PTPRM: variants seen among roughly 807,000 people sequenced by gnomAD.
PTPRM encodes the protein receptor-type tyrosine-protein phosphatase mu.
A neutral mutation model predicts 186.7 loss-of-function variants in PTPRM; 47 were observed. The observed-to-expected ratio is 0.25, with a 90% CI of 0.20 to 0.32. The LOEUF is 0.32. Ranked by LOEUF, PTPRM falls within the 10% of genes least tolerant of loss-of-function variation. PTPRM has a pLI of 1.00. For synonymous variants in PTPRM, 668 were observed against 674.9 expected (o/e 0.99, Z 0.16); for missense variants, 1,494 against 1,865.0 (o/e 0.80, Z 3.66).
intron 20 of PTPRM, among the ~76,000 whole-genome samples, chr18:8,309,478 G>A (rs904258693): frequency 2.6e-5 from 4 of 152,004 alleles, no homozygotes; most frequent in Admixed American, 1.3e-4. Flanking sequence ...GTGCACACAG[G>A]AGGTGAAGAT....
At chr18:8,165,163 ATC>A (rs2093301739) in intron 14 of PTPRM, among the ~76,000 whole-genome samples, 1 of 131,698 alleles carries the variant, frequency 7.6e-6, no homozygotes, top group Admixed American at 7.1e-5. Context: ...GCAAGACTCC[ATC>A]TCAAAAAAAA....
At chr18:8,337,002 GAAAGA>G (rs984599354) in intron 22 of PTPRM, among the ~76,000 whole-genome samples, 5 of 151,678 alleles carry the variant, frequency 3.3e-5, no homozygotes, top group Non-Finnish European at 5.9e-5. Flanking sequence ...ATTTTAAAAA[GAAAGA>G]AAAGAAAAGA....
rs187367374 is a variant in PTPRM at position 8,344,527 on chromosome 18, T to A, written c.3054+1007T>A. On this transcript the variant is annotated intron_variant, in intron 23 of 32. Coordinates refer to ENST00000580170, the MANE Select transcript of PTPRM (RefSeq NM_001105244.2). Reference sequence around the variant, plus strand: ...AAATCCCCCTACAGACATCTGGAAATTCTAGATAAAAATATAAATATGTAT... The same window carrying A: ...AAATCCCCCTACAGACATCTGGAAAATCTAGATAAAAATATAAATATGTAT... 4.9e-3 allele frequency among the ~76,000 whole-genome samples: 740 copies of A among 149,712 alleles called. 4 individuals carry two copies. Among genetic ancestry groups the A allele is most frequent in the African/African-American group, 0.018 (711 of 40,436 alleles).
chr18:8,041,598 G>T (rs2086695292), intron 7 of PTPRM, among the ~76,000 whole-genome samples: 1 of 152,218 alleles, frequency 6.6e-6, no homozygotes, highest in Non-Finnish European at 1.5e-5. Flanking sequence ...CTTATGAAAA[G>T]CTGGCCATAC....
In PTPRM at chr18:8,145,219, G is replaced by C. The variant is rs2092854264; in HGVS notation, c.2300+1440G>C. On this transcript the variant is annotated intron_variant, in intron 14 of 32. Coordinates refer to ENST00000580170, the MANE Select transcript of PTPRM (RefSeq NM_001105244.2). ...AAAGACTTAGAATAGTTCCTGGTTT[G>C]GGCAAGTTAGTGGAGATATTTCTGT... Among the ~76,000 whole-genome samples, 4 of 152,166 alleles carry C rather than the reference G, an allele frequency of 2.6e-5. No homozygotes were observed. In the South Asian group the frequency reaches 8.3e-4, roughly 32 times the overall value.
At position 7,789,280 on chromosome 18, in the gene PTPRM, G is replaced by A. The variant is rs560011227; in HGVS notation, c.196+15009G>A. 2.0e-5 allele frequency among the ~76,000 whole-genome samples: 3 copies of A among 152,214 alleles called. No individual in the cohort carries two copies. The South Asian group carries it at 6.2e-4, about 32-fold the overall frequency. ...GTTGAGGCTGCAGCAAGCCGTGATT[G>A]TGCCACTGCACTCCAGCCTGGGTGA... On this transcript the variant is annotated intron_variant, in intron 2 of 32. Coordinates refer to ENST00000580170, the MANE Select transcript of PTPRM (RefSeq NM_001105244.2).
At chr18:8,316,640 C>G (rs1437051699) in intron 21 of PTPRM, among the ~76,000 whole-genome samples, 1 of 152,134 alleles carries the variant, frequency 6.6e-6, no homozygotes, top group Non-Finnish European at 1.5e-5. Flanking sequence ...CCAAAAAAAC[C>G]TCTGACCCAG....
intron 19 of PTPRM, among the ~76,000 whole-genome samples, chr18:8,293,182 T>C (rs1243809687): frequency 1.3e-5 from 2 of 152,240 alleles, no homozygotes; most frequent in Non-Finnish European, 2.9e-5. Flanking sequence ...TTCTGGGAAC[T>C]GTAGTGCTCA....
chr18:7,708,509 G>A (rs555359442), intron 1 of PTPRM, among the ~76,000 whole-genome samples: 85 of 152,266 alleles, frequency 5.6e-4, no homozygotes, highest in African/African-American at 1.9e-3. Flanking sequence ...TCAACCTGCT[G>A]TTGTATTCCA....
rs7507022 is a variant in PTPRM, at chr18:7,610,302, C to T, written c.73+42411C>T. Among the ~76,000 whole-genome samples, 248 of 152,184 alleles carry T rather than the reference C, an allele frequency of 1.6e-3. 3 individuals are homozygous for T. The highest frequency in any genetic ancestry group is 0.015 in the South Asian group (74 of 4,824). Reference sequence around the variant, plus strand: ...TTATTCTCAGCCAACATGAATTTCACGTAATTTTTAAACTTTAAAATCTGG... The same window carrying T: ...TTATTCTCAGCCAACATGAATTTCATGTAATTTTTAAACTTTAAAATCTGG... On this transcript the variant is annotated intron_variant, in intron 1 of 32. Transcript: ENST00000580170.
chr18:7,753,157 T>C (rs1444077358), intron 1 of PTPRM, among the ~76,000 whole-genome samples: 1 of 152,162 alleles, frequency 6.6e-6, no homozygotes, highest in Non-Finnish European at 1.5e-5. Flanking sequence ...AGTAGTTTTG[T>C]AAATCATCCA....
rs115603142 is a variant in PTPRM at position 7,868,600 on chromosome 18, C to T, written c.197-19506C>T. Among the ~76,000 whole-genome samples, 1,072 of 152,268 alleles carry T rather than the reference C, an allele frequency of 7.0e-3. 7 individuals carry two copies. The highest frequency in any genetic ancestry group is 0.025 in the African/African-American group (1,040 of 41,556). On this transcript the variant is annotated intron_variant, in intron 2 of 32. Coordinates refer to ENST00000580170, the MANE Select transcript of PTPRM (RefSeq NM_001105244.2). Reference sequence around the variant, plus strand: ...ATCCCAGAGGGGCACCTACCAGATACCAGCTGGAGCTCTCCTATGTGAGGT... The same window carrying T: ...ATCCCAGAGGGGCACCTACCAGATATCAGCTGGAGCTCTCCTATGTGAGGT...
chr18:8,085,900 T>C, intron 10 of PTPRM, 28 bp downstream of exon 10: 1 of 1,592,028 alleles, frequency 6.3e-7, no homozygotes, highest in Non-Finnish European at 8.6e-7. Flanking sequence ...GTTGTGTCTT[T>C]TATCAGAAGT....
chr18:7,857,427 T>C (rs563976062), intron 2 of PTPRM, among the ~76,000 whole-genome samples: 5 of 152,340 alleles, frequency 3.3e-5, no homozygotes, highest in African/African-American at 1.2e-4. Flanking sequence ...GGATGCTGGC[T>C]TCAGGGATTC....
At chr18:8,145,263 T>C (rs947364224) in intron 14 of PTPRM, among the ~76,000 whole-genome samples, 3 of 152,164 alleles carry the variant, frequency 2.0e-5, no homozygotes, top group African/African-American at 7.2e-5. Flanking sequence ...ATGTGGAACA[T>C]AGGAACTACA....
At chr18:8,327,873 G>A (rs572559002) in intron 22 of PTPRM, among the ~76,000 whole-genome samples, 1 of 152,236 alleles carries the variant, frequency 6.6e-6, no homozygotes, top group Non-Finnish European at 1.5e-5. Context: ...CATATAATCA[G>A]TTTTGTCTGT....
At chr18:7,741,315 C>T (rs942686318) in intron 1 of PTPRM, 1 of 152,194 alleles carries the variant, frequency 6.6e-6, no homozygotes, top group African/African-American at 2.4e-5. Context: ...AGGCGGCCAC[C>T]TGGGTCTGTA....
intron 22 of PTPRM, among the ~76,000 whole-genome samples, chr18:8,327,759 CAT>C (rs1012072510): frequency 2.0e-5 from 3 of 152,214 alleles, no homozygotes; most frequent in African/African-American, 4.8e-5. Flanking sequence ...ACTTTCTTTA[CAT>C]ATGTCAGTAA....
rs765757082 is a variant in PTPRM, at chr18:7,926,617, C to T, written c.597C>T (p.Gly199=). The change falls in exon 5 of 33, where the codon GGC becomes GGT. Residue 199 remains glycine, a synonymous_variant. Transcript: ENST00000580170. ...LRIQNVEVNA[G]QFATFQCSAI... is the part of the protein sequence containing the mutation. ...TTCAGAATGTGGAAGTTAATGCTGG[C>T]CAGTTTGCTACCTTCCAGTGCAGTG... The T allele has an allele frequency of 1.2e-6, 2 of 1,613,712 alleles. No homozygotes were observed. The highest frequency in any genetic ancestry group is 1.7e-6 in the Non-Finnish European group (2 of 1,179,948).
Sources: allele counts gnomAD v4.1 joint callset (sites outside exome capture counted in the v4.1 genomes callset), GRCh38; gene constraint gnomAD v4.1.1; transcripts MANE v1.5; gene names NCBI Gene and HGNC (gene_info 2026-07-23, HGNC 2026-07-21).